Variants in PPP6R3 observed in about 807,000 individuals in gnomAD.
PPP6R3 encodes protein phosphatase 6 regulatory subunit 3, also known as serine/threonine-protein phosphatase 6 regulatory subunit 3.
In PPP6R3, 38 loss-of-function variants were observed where a neutral mutation model predicts 110.7. That is an observed-to-expected ratio of 0.34 (90% CI 0.26 to 0.45). The LOEUF (loss-of-function observed/expected upper bound fraction) is 0.45, where lower values mean the gene tolerates loss of function less well. PPP6R3 is among the 20% of genes least tolerant of loss of function. PPP6R3 has a pLI of 1.00. For missense variants in PPP6R3, 870 were observed against 1,062.4 expected (o/e 0.82, Z 2.52); for synonymous variants, 369 against 373.5 (o/e 0.99, Z 0.14).
chr11:68,599,863 C>T (rs1166628229), intron 19 of PPP6R3, among the ~76,000 whole-genome samples: 1 of 151,844 alleles, frequency 6.6e-6, no homozygotes, highest in Non-Finnish European at 1.5e-5. Context: ...GTGGCTCACG[C>T]CTGTAATCCC....
intron 17 of PPP6R3, 64 bp from the exon 18 acceptor site, chr11:68,591,512 C>A: frequency 6.9e-7 from 1 of 1,452,320 alleles, no homozygotes; most frequent in Non-Finnish European, 9.2e-7. Context: ...ATTGGTAATG[C>A]TTAAGAGAAG....
chr11:68,461,691 C>T (rs1050564246), intron 1 of PPP6R3, among the ~76,000 whole-genome samples: 1 of 152,100 alleles, frequency 6.6e-6, no homozygotes, highest in Non-Finnish European at 1.5e-5. Context: ...GACTTAATGT[C>T]ATTTTCCTGG....
intron 15 of PPP6R3, chr11:68,587,408 A>G (rs1251687328): frequency 6.4e-6 from 1 of 156,280 alleles, no homozygotes; most frequent in East Asian, 1.9e-4. Flanking sequence ...TTAAAAAAAG[A>G]AATGAAATGT....
At position 68,506,079 on chromosome 11, in the gene PPP6R3, C is replaced by A. The variant is rs200094594; in HGVS notation, c.-157-13422C>A. On this transcript the variant is annotated intron_variant, in intron 1 of 23. Transcript: ENST00000393800. ...CCCGCGTTGTAGGTATCTTGTTTTG[C>A]CAGTTTATTAGGTTGGTGCAAAAGT... Among the ~76,000 whole-genome samples, 23 of 149,952 alleles carry A rather than the reference C, an allele frequency of 1.5e-4. No individual in the cohort carries two copies. The East Asian group carries it at 2.4e-3, about 16-fold the overall frequency.
At chr11:68,606,165 C>T (rs115603773) in intron 22 of PPP6R3, among the ~76,000 whole-genome samples, 1,694 of 152,246 alleles carry the variant, frequency 0.011, 30 homozygotes, top group African/African-American at 0.038. Context: ...GTTTAATCTC[C>T]ATATATGGTG....
intron 1 of PPP6R3, among the ~76,000 whole-genome samples, chr11:68,465,285 C>T (rs550592891): frequency 6.6e-6 from 1 of 152,208 alleles, no homozygotes; most frequent in African/African-American, 2.4e-5. Context: ...ATACAGTATG[C>T]TCAGCCTTTA....
At chr11:68,575,781 T>C (rs2099528680) in intron 13 of PPP6R3, among the ~76,000 whole-genome samples, 177 bp from the exon 14 acceptor site, 1 of 152,206 alleles carries the variant, frequency 6.6e-6, no homozygotes, top group Non-Finnish European at 1.5e-5. Flanking sequence ...GAAGGTTTAA[T>C]AATTCCATTT....
intron 1 of PPP6R3, among the ~76,000 whole-genome samples, chr11:68,503,742 C>T (rs2099060511): frequency 6.8e-6 from 1 of 147,112 alleles, no homozygotes. Flanking sequence ...AGAGGGAATG[C>T]TATCAGACAA....
At chr11:68,588,115 G>A in intron 16 of PPP6R3, 91 bp downstream of exon 16, 6 of 1,158,440 alleles carry the variant, frequency 5.2e-6, no homozygotes, top group Non-Finnish European at 7.8e-6. Context: ...TTAGTCTTGA[G>A]CATTCGTGAG....
At chr11:68,547,183 A>T (rs1395660137) in intron 4 of PPP6R3, among the ~76,000 whole-genome samples, 1 of 152,138 alleles carries the variant, frequency 6.6e-6, no homozygotes, top group Non-Finnish European at 1.5e-5. Flanking sequence ...TAGCTCTGGA[A>T]GATAGTTTCT....
At chr11:68,491,855 G>A (rs2098986428) in intron 1 of PPP6R3, among the ~76,000 whole-genome samples, 1 of 151,864 alleles carries the variant, frequency 6.6e-6, no homozygotes, top group Admixed American at 6.6e-5. Context: ...TAACACTAAC[G>A]ATAGCTGATG....
chr11:68,546,968 A>C (rs116024446), intron 4 of PPP6R3, among the ~76,000 whole-genome samples: 1 of 152,186 alleles, frequency 6.6e-6, no homozygotes. Context: ...TTTATGTGTC[A>C]TATCATTTCT....
chr11:68,533,133 AC>A (rs1467143400), intron 2 of PPP6R3, among the ~76,000 whole-genome samples: 2 of 152,216 alleles, frequency 1.3e-5, no homozygotes, highest in Admixed American at 1.3e-4. Flanking sequence ...GGCCAGTTGA[AC>A]TTTGTAACTG....
At chr11:68,576,672 G>A (rs1339380582) in intron 14 of PPP6R3, among the ~76,000 whole-genome samples, 2 of 152,124 alleles carry the variant, frequency 1.3e-5, no homozygotes, top group African/African-American at 4.8e-5. Context: ...TTTAAAGATG[G>A]GGAAAGCATT....
At chr11:68,606,903 A>G (rs1479127394) in intron 22 of PPP6R3, among the ~76,000 whole-genome samples, 1 of 152,352 alleles carries the variant, frequency 6.6e-6, no homozygotes, top group Non-Finnish European at 1.5e-5. Flanking sequence ...GCTATTGAGT[A>G]AGAAATCAGT....
At chr11:68,550,387 G>A (rs1592976994) in intron 5 of PPP6R3, among the ~76,000 whole-genome samples, 2 of 152,136 alleles carry the variant, frequency 1.3e-5, no homozygotes, top group East Asian at 3.8e-4. Context: ...ATGAGCAGAG[G>A]AGGGGTGGTG....
At chr11:68,542,073 G>A (rs770600661) in intron 3 of PPP6R3, among the ~76,000 whole-genome samples, 4 of 151,292 alleles carry the variant, frequency 2.6e-5, no homozygotes, top group Admixed American at 2.0e-4. Context: ...GATGACCTGT[G>A]AGAACGTTGC....
At chr11:68,529,259 C>G (rs2017727) in intron 2 of PPP6R3, among the ~76,000 whole-genome samples, 3,124 of 152,240 alleles carry the variant, frequency 0.021, 117 homozygotes, top group African/African-American at 0.071. Context: ...CACTCTGTCT[C>G]CCAGGCTGGA....
At chr11:68,610,838 C>A (rs1943018053) in intron 23 of PPP6R3, among the ~76,000 whole-genome samples, 1 of 150,656 alleles carries the variant, frequency 6.6e-6, no homozygotes, top group East Asian at 2.0e-4. Flanking sequence ...GAAGTTTTAA[C>A]CCCCCACCCC....
Sources: gnomAD v4.1 joint callset for allele counts (sites outside exome capture counted in the v4.1 genomes callset) on GRCh38, gnomAD v4.1.1 for gene constraint, MANE v1.5 for transcripts, NCBI Gene and HGNC (gene_info 2026-07-23, HGNC 2026-07-21) for gene names.